SETBP1: variants seen among roughly 807,000 people sequenced by gnomAD.
SETBP1 encodes the protein SET binding protein 1, also known as SET-binding protein.
A neutral mutation model predicts 101.0 loss-of-function variants in SETBP1; 9 were observed. That is an observed-to-expected ratio of 0.09 (90% CI 0.05 to 0.16). The LOEUF is 0.16. Among genes scored for constraint, SETBP1 ranks in the 10% least tolerant of loss-of-function variants. The pLI is 1.00. For synonymous variants in SETBP1, 818 were observed against 788.5 expected (o/e 1.04, Z -0.63); for missense variants, 1,858 against 2,033.8 (o/e 0.91, Z 1.66).
rs139106261 is a variant in SETBP1 at position 44,953,216 on chromosome 18, C to G, written c.3876C>G (p.Asp1292Glu). ...TGAACCCTTCGAATGACAAGTGGGA[C>G]AGTGACGTGAGTGGGAGTAAAAGGA... ...SEMNPSNDKW[D>E]SDVSGSKRRS... Residue 1292 changes from aspartate to glutamate, a missense_variant, in exon 4 of 6, where the codon GAC becomes GAG. This residue lies in a region of SETBP1 where 417 missense variants were observed against 389.1 expected (regional missense o/e 1.07). Transcript: ENST00000649279. 1.6e-5 allele frequency: 26 copies of G among 1,613,878 alleles called. No individual in the cohort carries two copies. Among genetic ancestry groups the G allele is most frequent in the Admixed American group, 1.3e-4 (8 of 59,986 alleles).
intron 3 of SETBP1, among the ~76,000 whole-genome samples, chr18:44,940,378 A>G (rs2071060192): frequency 1.3e-5 from 2 of 152,158 alleles, no homozygotes; most frequent in South Asian, 4.1e-4. Context: ...GAGTTAATAT[A>G]ATTACTGATA....
In SETBP1 at chr18:44,857,548, G is replaced by T. The variant is rs1371349036; in HGVS notation, c.487-11682G>T. On this transcript the variant is annotated intron_variant, in intron 2 of 5. Transcript: ENST00000649279. ...TGAACATTGCCAGTCCCTTCGGTGGGCCCTTCTTTGTGCTATAAATAAAGG... is the reference window on the plus strand; with the variant it reads ...TGAACATTGCCAGTCCCTTCGGTGGTCCCTTCTTTGTGCTATAAATAAAGG... 0.012 allele frequency among the ~76,000 whole-genome samples: 24 copies of T among 2,058 alleles called. No homozygotes were observed. The Admixed American group carries it at 0.19, about 16-fold the overall frequency. The allele number at this position is 2,058 out of a possible 152,430, so 1.4% of individuals were successfully genotyped here.
At chr18:44,851,775 T>C (rs1384398603) in intron 2 of SETBP1, among the ~76,000 whole-genome samples, 1 of 152,206 alleles carries the variant, frequency 6.6e-6, no homozygotes, top group Non-Finnish European at 1.5e-5. Context: ...CAGTCTGCCA[T>C]CTGCCCCATT....
chr18:44,998,556 C>T (rs767708728), intron 4 of SETBP1, among the ~76,000 whole-genome samples: 14 of 152,340 alleles, frequency 9.2e-5, no homozygotes, highest in South Asian at 8.3e-4. Flanking sequence ...CTGATCTCAA[C>T]GACTGCCGTT....
At chr18:44,717,008 G>A (rs756450785) in intron 2 of SETBP1, among the ~76,000 whole-genome samples, 4 of 152,148 alleles carry the variant, frequency 2.6e-5, no homozygotes, top group African/African-American at 4.8e-5. Flanking sequence ...CATTGCTACC[G>A]AATCTTCCCC....
intron 4 of SETBP1, among the ~76,000 whole-genome samples, chr18:44,996,050 A>C (rs540001507): frequency 2.0e-5 from 3 of 152,358 alleles, no homozygotes. Flanking sequence ...CCACAGTGAA[A>C]TTCAAATGAA....
intron 2 of SETBP1, 104 bp downstream of exon 2, chr18:44,701,936 C>A: frequency 7.4e-7 from 1 of 1,356,582 alleles, no homozygotes; most frequent in Non-Finnish European, 1.0e-6. Context: ...GACTCTAGAA[C>A]AACGTGGGGT....
chr18:44,972,151 A>G (rs371151256), intron 4 of SETBP1, among the ~76,000 whole-genome samples: 2,416 of 151,904 alleles, frequency 0.016, 102 homozygotes, highest in East Asian at 0.12. Flanking sequence ...CCCATTTCTT[A>G]TTTTTGTCAG....
At chr18:44,823,821 C>T (rs768180024) in intron 2 of SETBP1, among the ~76,000 whole-genome samples, 10 of 152,162 alleles carry the variant, frequency 6.6e-5, no homozygotes, top group South Asian at 2.1e-4. Context: ...CTTTCATTCC[C>T]ACCCTCATTG....
intron 4 of SETBP1, among the ~76,000 whole-genome samples, chr18:44,954,294 A>G (rs982490266): frequency 1.3e-5 from 2 of 150,570 alleles, no homozygotes; most frequent in Admixed American, 6.6e-5. Context: ...TATTAGGAAA[A>G]TAGTAGAAAC....
chr18:44,705,165 T>A (rs2069193236), intron 2 of SETBP1, among the ~76,000 whole-genome samples: 1 of 152,220 alleles, frequency 6.6e-6, no homozygotes, highest in Non-Finnish European at 1.5e-5. Flanking sequence ...TTTTTTACAT[T>A]TTTAAAAGGT....
chr18:44,787,855 C>G lies in SETBP1; in HGVS notation c.487-81375C>G, dbSNP rs1479708795. Among the ~76,000 whole-genome samples, 15 of 1,572 alleles carry G rather than the reference C, an allele frequency of 9.5e-3. No homozygotes were observed. In the Admixed American group the frequency reaches 0.096, roughly 10 times the overall value. 1.0% of individuals were successfully genotyped at this position (1,572 alleles called of 152,430 possible). ...CGGCCTGGGCGACAGAGCGAGAGTCCGTCTCAAAAAAAAAAAAAAAAAAAA... is the reference window on the plus strand; with the variant it reads ...CGGCCTGGGCGACAGAGCGAGAGTCGGTCTCAAAAAAAAAAAAAAAAAAAA... On this transcript the variant is annotated intron_variant, in intron 2 of 5. Coordinates refer to ENST00000649279, the MANE Select transcript of SETBP1 (RefSeq NM_015559.3).
intron 3 of SETBP1, among the ~76,000 whole-genome samples, chr18:44,931,591 T>A (rs1238572510): frequency 1.3e-5 from 2 of 152,196 alleles, no homozygotes; most frequent in Admixed American, 1.3e-4. Flanking sequence ...TTTGTAGGTC[T>A]CTAAGGACTT....
intron 4 of SETBP1, among the ~76,000 whole-genome samples, chr18:44,989,533 A>C (rs894578634): frequency 2.0e-5 from 3 of 152,134 alleles, no homozygotes; most frequent in African/African-American, 7.2e-5. Context: ...AGGATATTTG[A>C]ATATGTAATC....
At chr18:45,028,581 G>A (rs1049701676) in intron 4 of SETBP1, among the ~76,000 whole-genome samples, 6 of 152,136 alleles carry the variant, frequency 3.9e-5, no homozygotes, top group South Asian at 4.1e-4. Context: ...CCGAGGAATC[G>A]CCACACTGAC....
chr18:44,996,617 C>G (rs529602275), intron 4 of SETBP1, among the ~76,000 whole-genome samples: 3 of 152,240 alleles, frequency 2.0e-5, no homozygotes, highest in Non-Finnish European at 4.4e-5. Context: ...AAGGGCTTTC[C>G]CATATGTTAT....
At chr18:44,865,881 A>C (rs1190338424) in intron 2 of SETBP1, among the ~76,000 whole-genome samples, 1 of 152,194 alleles carries the variant, frequency 6.6e-6, no homozygotes. Flanking sequence ...TAACACCTTC[A>C]ATGCATGCTA....
At chr18:44,819,465 A>C (rs572577044) in intron 2 of SETBP1, among the ~76,000 whole-genome samples, 7 of 152,300 alleles carry the variant, frequency 4.6e-5, no homozygotes, top group Middle Eastern at 3.4e-3. Context: ...ACATTTTTGA[A>C]AGTAGGTGGA....
chr18:44,977,164 T>C (rs565722033), intron 4 of SETBP1, among the ~76,000 whole-genome samples: 41 of 152,334 alleles, frequency 2.7e-4, no homozygotes, highest in African/African-American at 9.1e-4. Flanking sequence ...TTTCCTTCTG[T>C]ACTCACCAGA....
Sources: allele counts gnomAD v4.1 joint callset (sites outside exome capture counted in the v4.1 genomes callset), GRCh38; gene constraint gnomAD v4.1.1; regional missense constraint gnomAD v4.1.1; transcripts MANE v1.5; gene names NCBI Gene and HGNC (gene_info 2026-07-23, HGNC 2026-07-21).